AP2M1: variants seen among roughly 807,000 people sequenced by gnomAD.
The protein encoded by AP2M1 is AP-2 complex subunit mu.
AP2M1 carries 5 observed loss-of-function variants against 54.5 expected under a neutral mutation model. That is an observed-to-expected ratio of 0.09 (90% CI 0.05 to 0.19). The LOEUF (loss-of-function observed/expected upper bound fraction) is 0.19. Among genes scored for constraint, AP2M1 ranks in the 10% least tolerant of loss-of-function variants. The pLI is 1.00. For missense variants in AP2M1, 178 were observed against 580.2 expected (o/e 0.31, Z 7.12); for synonymous variants, 186 against 208.2 (o/e 0.89, Z 0.92).
In AP2M1 at chr3:184,182,273, C is replaced by G; in HGVS notation, c.1061+25C>G. On this transcript the variant is annotated intron_variant, in intron 10 of 11. Coordinates refer to ENST00000292807, the MANE Select transcript of AP2M1 (RefSeq NM_004068.4). This position sits in a 1 kb window ranked among gnomAD's most constrained non-coding sequence, Gnocchi z 5.5. ...AGTGAGTCTTTCCTTCATTAGGCCA[C>G]AGCAGGGCTCAAGATCCCAGTATAC... The G allele has an allele frequency of 6.2e-7, 1 of 1,608,990 alleles. No homozygotes were observed. Among genetic ancestry groups the G allele is most frequent in the South Asian group, 1.1e-5 (1 of 90,058 alleles).
chr3:184,175,565 C>A (rs952268979), intron 1 of AP2M1, among the ~76,000 whole-genome samples: 4 of 152,218 alleles, frequency 2.6e-5, no homozygotes. Flanking sequence ...TCAGTTCCCC[C>A]GGCCGGTTTT....
At chr3:184,175,319 C>T (rs1286745529) in intron 1 of AP2M1, among the ~76,000 whole-genome samples, 1 of 152,166 alleles carries the variant, frequency 6.6e-6, no homozygotes, top group African/African-American at 2.4e-5. Flanking sequence ...AGTGACACCC[C>T]TTTGTGCCGC....
At position 184,182,794 on chromosome 3, in the gene AP2M1, A is replaced by G. The variant is rs1715316833; in HGVS notation, c.1099A>G (p.Ser367Gly). The G allele has an allele frequency of 6.2e-7, 1 of 1,614,060 alleles. No homozygotes were observed. The highest frequency in any genetic ancestry group is 8.5e-7 in the Non-Finnish European group (1 of 1,180,040). ...RMAGMKESQI[S>G]AEIELLPTND... is the part of the protein sequence containing the mutation. The stretch of plus-strand genomic sequence containing the variant: ...GGCAGGCATGAAGGAATCGCAGATC[A>G]GCGCAGAGATTGAGCTTCTGCCTAC... The change falls in exon 11 of 12, where the codon AGC (serine) becomes GGC (glycine). Residue 367 changes from serine (S) to glycine (G), a missense_variant. Physicochemically the swap from Ser to Gly is moderately conservative, Grantham distance 56 (BLOSUM62 0). This residue lies in a region of AP2M1 where 59 missense variants were observed against 176.8 expected (regional missense o/e 0.33). Coordinates refer to ENST00000292807, the MANE Select transcript of AP2M1 (RefSeq NM_004068.4). This position sits in a 1 kb window ranked among gnomAD's most constrained non-coding sequence, Gnocchi z 5.5.
In AP2M1 at chr3:184,177,392, A is replaced by C. The variant is rs1006166355; in HGVS notation, c.74+325A>C. On this transcript the variant is annotated intron_variant, in intron 2 of 11. Transcript: ENST00000292807. ...CCTTCTTTGAGGAGGAGGAGGAGAA[A>C]TGTCTCCAGTGGGTGGGGTTAGTGG... 5 of 671,560 alleles carry C rather than the reference A, an allele frequency of 7.4e-6. No individual in the cohort carries two copies. In the Admixed American group the frequency reaches 1.1e-4, roughly 15 times the overall value. The allele number at this position is 671,560 out of a possible 1,614,324, so 41.6% of individuals were successfully genotyped here.
rs899682351 is a variant in AP2M1 at position 184,180,890 on chromosome 3, G to A, written c.471G>A (p.Gly157=). The A allele has an allele frequency of 4.3e-6, 7 of 1,614,236 alleles. No individual in the cohort carries two copies. ...CACAGATCACCAGCCAGGTAACTGG[G>A]CAGATTGGCTGGCGGCGAGAGGGTA... ...EQSQITSQVT[G]QIGWRREGIK... is the part of the protein sequence containing the mutation. The change falls in exon 6 of 12, where the codon GGG becomes GGA. Residue 157 remains glycine (G), a synonymous_variant. Coordinates refer to ENST00000292807, the MANE Select transcript of AP2M1 (RefSeq NM_004068.4). This position sits in a 1 kb window ranked among gnomAD's most constrained non-coding sequence, Gnocchi z 4.9.
chr3:184,175,199 A>T, intron 1 of AP2M1: 1 of 388,334 alleles, frequency 2.6e-6, no homozygotes. Flanking sequence ...CATGAGAGGG[A>T]TACCGCTTGG....
At position 184,182,061 on chromosome 3, in the gene AP2M1, G is replaced by T. The variant is rs770879947; in HGVS notation, c.963+14G>T. 1.9e-6 allele frequency: 3 copies of T among 1,612,042 alleles called. No homozygotes were observed. In the East Asian group the frequency reaches 6.7e-5, roughly 36 times the overall value. ...CAGAAGATCGAGGTGAGGACAGGGG[G>T]CTCAAGGAGGAGGAAGAACTTGTCC... is the stretch of plus-strand genomic sequence containing the variant. On this transcript the variant is annotated intron_variant, in intron 9 of 11. Coordinates refer to ENST00000292807, the MANE Select transcript of AP2M1 (RefSeq NM_004068.4). The surrounding 1 kb of genome is among the most constrained non-coding windows in gnomAD (Gnocchi z 5.5).
At chr3:184,176,638 G>T (rs1715082820) in intron 1 of AP2M1, 1 of 361,266 alleles carries the variant, frequency 2.8e-6, no homozygotes, top group Non-Finnish European at 4.9e-6. Context: ...ACAGGAGGGG[G>T]CCGAAAAGGA....
Position 184,177,048 on chromosome 3 carries a change from G to A in AP2M1, c.55G>A (p.Val19Ile), listed in dbSNP as rs757550426. ...NHKGEVLISRVYRDDIGRNAV... is the reference protein window; with the variant it reads ...NHKGEVLISRIYRDDIGRNAV... ...CAAGGGGGAGGTGCTCATCTCCCGA[G>A]TCTACCGAGATGACATCGGGTGAGT... Residue 19 changes from valine to isoleucine, a missense_variant, in exon 2 of 12, where the codon GTC becomes ATC. Around this residue, in one of 5 missense-constraint regions of AP2M1, gnomAD observed 115 missense variants for 331.2 expected, o/e 0.35. Coordinates refer to ENST00000292807, the MANE Select transcript of AP2M1 (RefSeq NM_004068.4). The A allele has an allele frequency of 3.0e-5, 49 of 1,613,696 alleles. No homozygotes were observed. Among genetic ancestry groups the A allele is most frequent in the Non-Finnish European group, 3.8e-5 (45 of 1,179,910 alleles).
Position 184,183,018 on chromosome 3 carries a change from T to G in AP2M1, c.1173+150T>G, listed in dbSNP as rs1232429591. Reference sequence around the variant, plus strand: ...AATTCATAGATCCATTCTTCCCCTTTCAAGCCTCTTAGTAGAAATTACTAT... The same window carrying G: ...AATTCATAGATCCATTCTTCCCCTTGCAAGCCTCTTAGTAGAAATTACTAT... On this transcript the variant is annotated intron_variant, in intron 11 of 11. Transcript: ENST00000292807. This position sits in a 1 kb window ranked among gnomAD's most constrained non-coding sequence, Gnocchi z 5.7. 1.4e-6 allele frequency: 1 copy of G among 730,096 alleles called. No homozygotes were observed. Among genetic ancestry groups the G allele is most frequent in the Non-Finnish European group, 2.5e-6 (1 of 405,244 alleles). 45.2% of individuals were successfully genotyped at this position (730,096 alleles called of 1,614,324 possible).
Position 184,174,927 on chromosome 3 carries a change from C to G in AP2M1, c.-76C>G. On this transcript the variant is annotated 5_prime_UTR_variant, in exon 1 of 12. Transcript: ENST00000292807. Reference sequence around the variant, plus strand: ...GACATCTTGGGATCCGGAGAGTGGCCGGGCCGGCAGAGCAGGGGGCCGAGG... The same window carrying G: ...GACATCTTGGGATCCGGAGAGTGGCGGGGCCGGCAGAGCAGGGGGCCGAGG... 1 of 398,522 alleles carries G rather than the reference C, an allele frequency of 2.5e-6. No individual in the cohort carries two copies. The highest frequency in any genetic ancestry group is 4.4e-6 in the Non-Finnish European group (1 of 225,992). The allele number at this position is 398,522 out of a possible 1,614,324, so 24.7% of individuals were successfully genotyped here. A position where few individuals can be genotyped will look rare whatever the true frequency, so the allele number is the denominator to read the frequency against.
At position 184,181,963 on chromosome 3, in the gene AP2M1, G is replaced by C. The variant is rs750886669; in HGVS notation, c.879G>C (p.Val293=). 6.2e-6 allele frequency: 10 copies of C among 1,614,058 alleles called. No homozygotes were observed. In the African/African-American group the frequency reaches 1.3e-4, roughly 22 times the overall value. The change falls in exon 9 of 12, where the codon GTG becomes GTC. Residue 293 remains valine, a synonymous_variant. Transcript: ENST00000292807. This position sits in a 1 kb window ranked among gnomAD's most constrained non-coding sequence, Gnocchi z 5.7. ...IILPFRVIPL[V]REVGRTKLEV... ...TTCCCTTCCGGGTGATCCCGCTAGT[G>C]CGAGAAGTGGGACGCACCAAACTGG...
rs1023079845 is a variant in AP2M1, at chr3:184,178,115, C to T, written c.75-742C>T. ...TCTGCTTCTGCCTCACGGTGTGTGC[C>T]GCCCTCCCGGTGTGTTGTGTGTCTA... On this transcript the variant is annotated intron_variant, in intron 2 of 11. Coordinates refer to ENST00000292807, the MANE Select transcript of AP2M1 (RefSeq NM_004068.4). The surrounding 1 kb of genome is among the most constrained non-coding windows in gnomAD (Gnocchi z 4.9). The T allele has an allele frequency of 2.5e-5, 34 of 1,381,484 alleles. No individual in the cohort carries two copies. The highest frequency in any genetic ancestry group is 3.7e-5 in the South Asian group (3 of 80,944). 85.6% of individuals were successfully genotyped at this position (1,381,484 alleles called of 1,614,324 possible).
chr3:184,177,566 C>T (rs1443754853), intron 2 of AP2M1: 8 of 1,536,060 alleles, frequency 5.2e-6, no homozygotes, highest in Non-Finnish European at 7.0e-6. Flanking sequence ...GCTGACTCAG[C>T]TGTCTTCAGT....
chr3:184,175,389 A>C (rs919760760), intron 1 of AP2M1, among the ~76,000 whole-genome samples: 3 of 150,684 alleles, frequency 2.0e-5, no homozygotes, highest in Non-Finnish European at 3.0e-5. Flanking sequence ...GTTCAGTGGC[A>C]CCCCGCGGCT....
At position 184,176,966 on chromosome 3, in the gene AP2M1, G is replaced by T. The variant is rs1057271546; in HGVS notation, c.-28G>T. The T allele has an allele frequency of 9.3e-6, 15 of 1,611,966 alleles. No individual in the cohort carries two copies. The highest frequency in any genetic ancestry group is 6.7e-5 in the African/African-American group (5 of 74,880). ...CCTGTCCTAGGTCTGTTCTCAGAGC[G>T]ATGGGCCGCGGAGACTGATCTGCCG... On this transcript the variant is annotated 5_prime_UTR_variant, in exon 2 of 12. Transcript: ENST00000292807.
chr3:184,175,740 G>A (rs1196358344), intron 1 of AP2M1, among the ~76,000 whole-genome samples: 3 of 152,102 alleles, frequency 2.0e-5, no homozygotes, highest in Non-Finnish European at 4.4e-5. Flanking sequence ...GCCCCCCTCT[G>A]GTTCTCGGGT....
intron 1 of AP2M1, 60 bp downstream of exon 1, chr3:184,175,019 C>T (rs1715014826): frequency 1.8e-5 from 7 of 398,080 alleles, no homozygotes; most frequent in Non-Finnish European, 2.7e-5. Context: ...TCTGCCTCGC[C>T]GCGCAGCTTT....
chr3:184,183,834 CCCAT>C lies in AP2M1; in HGVS notation c.*222_*225del. On this transcript the variant is annotated 3_prime_UTR_variant, in exon 12 of 12. Coordinates refer to ENST00000292807, the MANE Select transcript of AP2M1 (RefSeq NM_004068.4). This position sits in a 1 kb window ranked among gnomAD's most constrained non-coding sequence, Gnocchi z 5.7. ...AGGGGAGTTCTGAGGCTCCTGCTCT[CCCAT>C]CCACCTGTCTGTCCTGGCCTAATGC... The C allele has an allele frequency of 1.8e-6, 1 of 545,108 alleles. No homozygotes were observed. Among genetic ancestry groups the C allele is most frequent in the Non-Finnish European group, 3.3e-6 (1 of 305,120 alleles). 33.8% of individuals were successfully genotyped at this position (545,108 alleles called of 1,614,324 possible). A position where few individuals can be genotyped will look rare whatever the true frequency, so the allele number is the denominator to read the frequency against.
Sources: allele counts gnomAD v4.1 joint callset (sites outside exome capture counted in the v4.1 genomes callset), GRCh38; gene constraint gnomAD v4.1.1; regional missense constraint gnomAD v4.1.1; non-coding constraint Gnocchi (gnomAD v3.1); transcripts MANE v1.5; gene names NCBI Gene and HGNC (gene_info 2026-07-23, HGNC 2026-07-21).